The following DNAH12 variants were observed in gnomAD, a reference collection of about 807,000 sequenced individuals.
DNAH12 encodes the protein axonemal beta dynein heavy chain 12.
DNAH12 carries 285 observed loss-of-function variants against 371.5 expected under a neutral mutation model. The observed-to-expected ratio is 0.77, with a 90% confidence interval of 0.70 to 0.85. The LOEUF (loss-of-function observed/expected upper bound fraction) is 0.85. Among genes scored for constraint, DNAH12 ranks in the 40% least tolerant of loss-of-function variants. DNAH12 has a pLI of 0.00. For missense variants in DNAH12, 3,611 were observed against 3,689.4 expected (o/e 0.98, Z 0.55); for synonymous variants, 1,200 against 1,213.0 (o/e 0.99, Z 0.22).
chr3:57,332,076 GCT>G (rs1416946233), intron 62 of DNAH12, among the ~76,000 whole-genome samples: 1 of 152,054 alleles, frequency 6.6e-6, no homozygotes, highest in East Asian at 1.9e-4. Flanking sequence ...CTAAGCCTGA[GCT>G]CTCTTTCCTA....
chr3:57,528,926 G>A (rs2153399672), intron 2 of DNAH12, among the ~76,000 whole-genome samples: 1 of 151,562 alleles, frequency 6.6e-6, no homozygotes, highest in South Asian at 2.1e-4. Flanking sequence ...TTAGCCTCCT[G>A]AGTAGCTGGG....
At chr3:57,301,698 A>G in intron 70 of DNAH12, 37 bp downstream of exon 70, 2 of 1,443,248 alleles carry the variant, frequency 1.4e-6, no homozygotes, top group Non-Finnish European at 1.9e-6. Context: ...ACACACACAC[A>G]CACACACACA....
At chr3:57,328,561 G>C (rs927054748) in intron 62 of DNAH12, among the ~76,000 whole-genome samples, 5 of 151,842 alleles carry the variant, frequency 3.3e-5, no homozygotes, top group South Asian at 4.2e-4. Flanking sequence ...GGATGTATCT[G>C]AAAATAATAA....
chr3:57,505,426 T>G (rs2067717701), intron 8 of DNAH12, among the ~76,000 whole-genome samples: 1 of 152,084 alleles, frequency 6.6e-6, no homozygotes, highest in Non-Finnish European at 1.5e-5. Flanking sequence ...ATTTTGTTTT[T>G]GGTTTTGGTT....
At chr3:57,387,639 A>C (rs1380789046) in intron 45 of DNAH12, among the ~76,000 whole-genome samples, 3 of 152,106 alleles carry the variant, frequency 2.0e-5, no homozygotes, top group Admixed American at 6.6e-5. Context: ...TAAAAGACTA[A>C]ATCTCCTAGA....
intron 11 of DNAH12, among the ~76,000 whole-genome samples, chr3:57,495,987 T>C (rs1238218768): frequency 6.8e-6 from 1 of 146,918 alleles, no homozygotes; most frequent in Non-Finnish European, 1.5e-5. Flanking sequence ...TGATTTTATA[T>C]ATATTATATA....
chr3:57,451,947 A>T (rs2153373315), intron 25 of DNAH12, among the ~76,000 whole-genome samples: 1 of 152,308 alleles, frequency 6.6e-6, no homozygotes, highest in South Asian at 2.1e-4. Context: ...TATAAAAGTC[A>T]AAAGGTCAAG....
chr3:57,533,858 AC>A (rs1361217132), intron 2 of DNAH12, among the ~76,000 whole-genome samples: 1 of 152,124 alleles, frequency 6.6e-6, no homozygotes. Flanking sequence ...CCTTAACAGC[AC>A]CTGCTGGTGT....
At chr3:57,353,080 C>T (rs897335071) in intron 59 of DNAH12, among the ~76,000 whole-genome samples, 5 of 151,652 alleles carry the variant, frequency 3.3e-5, no homozygotes, top group East Asian at 1.9e-4. Context: ...AATGAGACTC[C>T]GTCTCAAAAA....
At chr3:57,481,969 T>C (rs2066759757) in intron 13 of DNAH12, among the ~76,000 whole-genome samples, 1 of 152,132 alleles carries the variant, frequency 6.6e-6, no homozygotes, top group Admixed American at 6.6e-5. Flanking sequence ...ATAAAAACCC[T>C]AGAAGAAAAC....
rs370815488 is a variant in DNAH12, at chr3:57,341,001, T to C, written c.9675-6061A>G. On this transcript the variant is annotated intron_variant, in intron 60 of 73. Coordinates refer to ENST00000495027, the MANE Select transcript of DNAH12 (RefSeq NM_001366028.2). ...GATTATTCAACCTACACAAATAATGTGAGACATCACAACAGAATGAAGGAC... is the reference window on the plus strand; with the variant it reads ...GATTATTCAACCTACACAAATAATGCGAGACATCACAACAGAATGAAGGAC... Among the ~76,000 whole-genome samples the C allele has an allele frequency of 3.3e-5, 5 of 152,268 alleles. No individual in the cohort carries two copies. The South Asian group carries it at 8.3e-4, about 25-fold the overall frequency.
At chr3:57,552,480 GT>G in the DNAH12 span, among the ~76,000 whole-genome samples, 1 of 152,286 alleles carries the variant, frequency 6.6e-6, no homozygotes, top group Non-Finnish European at 1.5e-5. Flanking sequence ...CCCATTCACA[GT>G]TATCTAATTT....
chr3:57,303,417 T>C (rs1458128376), intron 69 of DNAH12, among the ~76,000 whole-genome samples: 1 of 148,666 alleles, frequency 6.7e-6, no homozygotes, highest in Non-Finnish European at 1.5e-5. Context: ...TCTTTTTCTT[T>C]TTTTTTTTTT....
At chr3:57,394,384 T>G (rs1209346852) in intron 43 of DNAH12, 52 bp from the exon 44 acceptor site, 1 of 152,242 alleles carries the variant, frequency 6.6e-6, no homozygotes, top group East Asian at 1.9e-4. Flanking sequence ...TCTGTTGGTT[T>G]TGATTTCCCT....
intron 58 of DNAH12, among the ~76,000 whole-genome samples, chr3:57,359,130 T>C (rs1323256147): frequency 2.0e-5 from 3 of 152,236 alleles, no homozygotes; most frequent in Non-Finnish European, 4.4e-5. Context: ...TTCCATGGCT[T>C]GATCTATGCA....
chr3:57,294,357 A>T (rs2107636433), intron 73 of DNAH12, among the ~76,000 whole-genome samples: 1 of 152,110 alleles, frequency 6.6e-6, no homozygotes, highest in East Asian at 1.9e-4. Flanking sequence ...TTGTATTTTT[A>T]GTAGAGACGG....
At chr3:57,409,647 A>G (rs948888252) in intron 39 of DNAH12, among the ~76,000 whole-genome samples, 1 of 152,118 alleles carries the variant, frequency 6.6e-6, no homozygotes, top group Non-Finnish European at 1.5e-5. Context: ...TATCTCAACA[A>G]TGGTTATCTC....
chr3:57,447,441 G>GA (rs1403002992), intron 25 of DNAH12, among the ~76,000 whole-genome samples: 1 of 152,026 alleles, frequency 6.6e-6, no homozygotes, highest in Non-Finnish European at 1.5e-5. Context: ...ACTTCTTTTA[G>GA]AAAAAGTACG....
At chr3:57,358,930 G>A (rs929742545) in intron 58 of DNAH12, among the ~76,000 whole-genome samples, 297 of 152,030 alleles carry the variant, frequency 2.0e-3, no homozygotes, top group Middle Eastern at 0.017. Flanking sequence ...GATTACAGGC[G>A]TCCACCACCA....
Sources: allele counts gnomAD v4.1 joint callset (sites outside exome capture counted in the v4.1 genomes callset), GRCh38; gene constraint gnomAD v4.1.1; transcripts MANE v1.5; gene names NCBI Gene and HGNC (gene_info 2026-07-23, HGNC 2026-07-21).